Variants in FRAS1 observed in about 807,000 individuals in gnomAD.
FRAS1 encodes Fraser extracellular matrix complex subunit 1.
FRAS1 carries 290 observed loss-of-function variants against 435.2 expected under a neutral mutation model. The observed-to-expected ratio is 0.67, with a 90% confidence interval of 0.61 to 0.73. The LOEUF is 0.73. Among genes scored for constraint, FRAS1 ranks in the 30% least tolerant of loss-of-function variants. FRAS1 has a pLI of 0.00. For missense variants in FRAS1, 4,860 were observed against 5,001.5 expected, an observed-to-expected ratio of 0.97 and a Z score of 0.85; for synonymous variants, 1,800 against 1,851.0, an observed-to-expected ratio of 0.97 and a Z score of 0.71.
At chr4:78,140,702 T>C (rs1318987189) in intron 2 of FRAS1, among the ~76,000 whole-genome samples, 6 of 81,230 alleles carry the variant, frequency 7.4e-5, no homozygotes, top group East Asian at 7.0e-4. Flanking sequence ...TATGTGTATA[T>C]GCATATACGT....
In FRAS1 at chr4:78,258,068, T is replaced by C. The variant is rs555093608; in HGVS notation, c.603+2693T>C. Among the ~76,000 whole-genome samples the C allele has an allele frequency of 1.3e-5, 2 of 152,196 alleles. 1 individual carries two copies. The highest frequency in any genetic ancestry group is 4.2e-4 in the South Asian group (2 of 4,818). ...TCAAGAAAGATAGATGAGCCAGGCATGGTGGTTCATGCTTGTGATCCCAGC... is the reference window on the plus strand; with the variant it reads ...TCAAGAAAGATAGATGAGCCAGGCACGGTGGTTCATGCTTGTGATCCCAGC... On this transcript the variant is annotated intron_variant, in intron 6 of 73. Transcript: ENST00000512123.
chr4:78,102,456 C>A (rs979518159), intron 2 of FRAS1, among the ~76,000 whole-genome samples: 2 of 152,158 alleles, frequency 1.3e-5, no homozygotes, highest in Non-Finnish European at 2.9e-5. Context: ...TGGATTTATT[C>A]TTTACATGTT....
rs555619704 is a variant in FRAS1 at position 78,230,628 on chromosome 4, A to G, written c.109-6882A>G. On this transcript the variant is annotated intron_variant, in intron 2 of 73. Coordinates refer to ENST00000512123, the MANE Select transcript of FRAS1 (RefSeq NM_025074.7). ...TGGGTCAAAGAATCCTTTTTTATAGATTATCTTTCCTGAAAACCAGACTTG... is the reference window on the plus strand; with the variant it reads ...TGGGTCAAAGAATCCTTTTTTATAGGTTATCTTTCCTGAAAACCAGACTTG... 2.8e-3 allele frequency among the ~76,000 whole-genome samples: 428 copies of G among 152,292 alleles called. 2 individuals carry two copies. Among genetic ancestry groups the G allele is most frequent in the African/African-American group, 0.01 (417 of 41,572 alleles).
At chr4:78,208,217 C>T (rs891221623) in intron 2 of FRAS1, among the ~76,000 whole-genome samples, 2 of 152,166 alleles carry the variant, frequency 1.3e-5, no homozygotes, top group Non-Finnish European at 2.9e-5. Context: ...GCTCGTGTCT[C>T]AGGAAGCTAC....
At chr4:78,338,614 G>A (rs541405986) in intron 20 of FRAS1, among the ~76,000 whole-genome samples, 11 of 152,302 alleles carry the variant, frequency 7.2e-5, no homozygotes, top group Admixed American at 2.0e-4. Context: ...GGCTGAACTG[G>A]GGAGATCCTG....
intron 61 of FRAS1, among the ~76,000 whole-genome samples, chr4:78,502,024 T>C (rs539346599): frequency 2.0e-4 from 30 of 152,264 alleles, no homozygotes; most frequent in Admixed American, 1.4e-3. Flanking sequence ...GATCAGATGG[T>C]TGTAAATGTG....
intron 9 of FRAS1, among the ~76,000 whole-genome samples, chr4:78,267,919 A>G (rs996337443): frequency 6.6e-6 from 1 of 152,212 alleles, no homozygotes; most frequent in Non-Finnish European, 1.5e-5. Context: ...TGTTTTTAAG[A>G]GAGAGCAAAG....
At chr4:78,165,236 A>G (rs966645696) in intron 2 of FRAS1, among the ~76,000 whole-genome samples, 1 of 152,214 alleles carries the variant, frequency 6.6e-6, no homozygotes, top group African/African-American at 2.4e-5. Context: ...TTCATGTAGT[A>G]GGACACCTTG....
intron 19 of FRAS1, 35 bp downstream of exon 19, chr4:78,333,447 G>T: frequency 6.3e-7 from 1 of 1,595,546 alleles, no homozygotes; most frequent in South Asian, 1.2e-5. Flanking sequence ...CATTGCCTAT[G>T]ACCATGTTTT....
chr4:78,409,122 A>C (rs2110355263), intron 31 of FRAS1, among the ~76,000 whole-genome samples: 1 of 149,956 alleles, frequency 6.7e-6, no homozygotes, highest in African/African-American at 2.4e-5. Context: ...CTCTCTCAAA[A>C]AAAAAAAAAA....
chr4:78,135,894 GA>G (rs1420184531), intron 2 of FRAS1, among the ~76,000 whole-genome samples: 2 of 152,102 alleles, frequency 1.3e-5, no homozygotes, highest in Non-Finnish European at 2.9e-5. Context: ...AACAAATACC[GA>G]ACTGTTGCTC....
intron 2 of FRAS1, among the ~76,000 whole-genome samples, chr4:78,159,098 C>T (rs1416284908): frequency 1.3e-5 from 2 of 152,184 alleles, no homozygotes; most frequent in African/African-American, 2.4e-5. Context: ...TGTGATTGGG[C>T]AGAACTCATT....
rs371186552 is a variant in FRAS1, at chr4:78,402,972, T to C, written c.4129+2085T>C. On this transcript the variant is annotated intron_variant, in intron 30 of 73. Coordinates refer to ENST00000512123, the MANE Select transcript of FRAS1 (RefSeq NM_025074.7). ...AGGTACATAATCTCACTGCGTCTTA[T>C]GACAGGTGATGTTAACTTTGATCAC... Among the ~76,000 whole-genome samples, 3 of 152,216 alleles carry C rather than the reference T, an allele frequency of 2.0e-5. No individual in the cohort carries two copies. In the South Asian group the frequency reaches 6.2e-4, roughly 32 times the overall value.
At chr4:78,280,581 T>TTC (rs1491189243) in intron 10 of FRAS1, among the ~76,000 whole-genome samples, 1 of 58,598 alleles carries the variant, frequency 1.7e-5, no homozygotes, top group Non-Finnish European at 4.1e-5. Flanking sequence ...TCCTCCATAC[T>TTC]TTTTTTTTTT....
intron 37 of FRAS1, 40 bp downstream of exon 37, chr4:78,430,457 G>A (rs775440764): frequency 4.4e-6 from 7 of 1,585,308 alleles, no homozygotes; most frequent in Non-Finnish European, 4.3e-6. Context: ...GACCTGCTTG[G>A]AGGATTTTTT....
intron 2 of FRAS1, among the ~76,000 whole-genome samples, chr4:78,233,598 T>C (rs1027974418): frequency 6.6e-6 from 1 of 152,250 alleles, no homozygotes; most frequent in Non-Finnish European, 1.5e-5. Context: ...AATGGTCCCT[T>C]AATAAGTGCC....
At chr4:78,511,676 G>C (rs1721048433) in intron 64 of FRAS1, 170 bp downstream of exon 64, 1 of 672,998 alleles carries the variant, frequency 1.5e-6, no homozygotes, top group East Asian at 2.8e-5. Context: ...CGGGCCCCCT[G>C]CCTATCTTCC....
intron 3 of FRAS1, among the ~76,000 whole-genome samples, chr4:78,239,552 C>T (rs1157297052): frequency 2.0e-5 from 3 of 152,144 alleles, no homozygotes; most frequent in Non-Finnish European, 4.4e-5. Flanking sequence ...TAAACCCCTC[C>T]AATGGCTTCC....
Position 78,477,868 on chromosome 4 carries a change from T to C in FRAS1, c.7905T>C (p.Asp2635=), listed in dbSNP as rs1424427146. 32 of 1,613,508 alleles carry C rather than the reference T, an allele frequency of 2.0e-5. No individual in the cohort carries two copies. The highest frequency in any genetic ancestry group is 2.6e-5 in the Non-Finnish European group (31 of 1,179,770). Residue 2635 remains aspartate (D), a synonymous_variant, in exon 55 of 74, where the codon GAT becomes GAC. Transcript: ENST00000512123. ...DTKSCTIVIN[D]DDVFENVESF... is the part of the protein sequence containing the mutation. ...AGTCCTGCACCATTGTCATCAACGA[T>C]GATGACGTGTTTGAAAATGTTGAGA...
Sources: allele counts gnomAD v4.1 joint callset (sites outside exome capture counted in the v4.1 genomes callset), GRCh38; gene constraint gnomAD v4.1.1; transcripts MANE v1.5; gene names NCBI Gene and HGNC (gene_info 2026-07-23, HGNC 2026-07-21).